The following KCNC1 variants were observed in gnomAD, a reference collection of about 807,000 sequenced individuals.
The protein encoded by KCNC1 is potassium voltage-gated channel subfamily C member 1.
KCNC1 carries 8 observed loss-of-function variants against 43.4 expected under a neutral mutation model. That is an observed-to-expected ratio of 0.18 (90% confidence interval 0.11 to 0.33). The LOEUF (loss-of-function observed/expected upper bound fraction) is 0.33. KCNC1 is among the 10% of genes least tolerant of loss of function. The pLI is 1.00. For synonymous variants in KCNC1, 361 were observed against 360.5 expected (o/e 1.00, Z -0.01); for missense variants, 420 against 836.0 (o/e 0.50, Z 6.14).
rs1266269714 is a variant in KCNC1, at chr11:17,779,364, C to T, written c.1505-92C>T. On this transcript the variant is annotated intron_variant, in intron 2 of 3. Coordinates refer to ENST00000265969, the MANE Select transcript of KCNC1 (RefSeq NM_001112741.2). This position sits in a 1 kb window ranked among gnomAD's most constrained non-coding sequence, Gnocchi z 7.2. The stretch of plus-strand genomic sequence containing the variant: ...CCGTCCTCAGGGACGCTCAAGCTGC[C>T]CTCTGCCAATACCCCGCTTCTGGCC... 2.7e-6 allele frequency: 3 copies of T among 1,093,504 alleles called. No homozygotes were observed. Among genetic ancestry groups the T allele is most frequent in the South Asian group, 3.7e-5 (2 of 54,548 alleles). 67.7% of individuals were successfully genotyped at this position (1,093,504 alleles called of 1,614,324 possible). A position where few individuals can be genotyped will look rare whatever the true frequency, so the allele number is the denominator to read the frequency against.
At chr11:17,741,222 A>G (rs1019793210) in intron 1 of KCNC1, among the ~76,000 whole-genome samples, 1 of 52,638 alleles carries the variant, frequency 1.9e-5, no homozygotes. Context: ...AGCTCCCCCC[A>G]CCCCCCTCCC....
chr11:17,768,106 C>T (rs571171304), intron 1 of KCNC1, among the ~76,000 whole-genome samples: 7 of 152,196 alleles, frequency 4.6e-5, no homozygotes, highest in South Asian at 2.1e-4. Flanking sequence ...GAGCTGGAGT[C>T]GGAGATGGGC....
In KCNC1 at chr11:17,777,774, T is replaced by C; in HGVS notation, c.1505-1682T>C. 1 of 986,312 alleles carries C rather than the reference T, an allele frequency of 1.0e-6. No homozygotes were observed. The allele number at this position is 986,312 out of a possible 1,614,324, so 61.1% of individuals were successfully genotyped here. ...TTTTTTTTAAGTTCCAAAATTATGA[T>C]GGGATTTTTTTGGATTTGCTTTACG... On this transcript the variant is annotated intron_variant, in intron 2 of 3. Transcript: ENST00000265969. This position sits in a 1 kb window ranked among gnomAD's most constrained non-coding sequence, Gnocchi z 4.3.
chr11:17,759,483 C>T, intron 1 of KCNC1, among the ~76,000 whole-genome samples: 1 of 152,152 alleles, frequency 6.6e-6, no homozygotes. Flanking sequence ...TGCAAGAGGC[C>T]TAGCTTTTGG....
At position 17,736,796 on chromosome 11, in the gene KCNC1, G is replaced by A. The variant is rs1027359734; in HGVS notation, c.570+224G>A. Among the ~76,000 whole-genome samples the A allele has an allele frequency of 6.6e-6, 1 of 152,204 alleles. No homozygotes were observed. Among genetic ancestry groups the A allele is most frequent in the Non-Finnish European group, 1.5e-5 (1 of 68,026 alleles). ...GTGTTGCCAAGTTTAATATGTATGA[G>A]TATGAATGGGTGTGTTTGTGTGTAT... On this transcript the variant is annotated intron_variant, in intron 1 of 3. Coordinates refer to ENST00000265969, the MANE Select transcript of KCNC1 (RefSeq NM_001112741.2). This position sits in a 1 kb window ranked among gnomAD's most constrained non-coding sequence, Gnocchi z 9.3.
chr11:17,735,144 C>G lies in KCNC1; in HGVS notation c.-859C>G, dbSNP rs1222032491. ...TCAGCACCGCCGCGGGAGCCCAAGT[C>G]CGAGCGCAGCCCAGCGGAACCCCAG... On this transcript the variant is annotated 5_prime_UTR_variant, in exon 1 of 4. Coordinates refer to ENST00000265969, the MANE Select transcript of KCNC1 (RefSeq NM_001112741.2). This position sits in a 1 kb window ranked among gnomAD's most constrained non-coding sequence, Gnocchi z 6.7. 5 of 152,206 alleles carry G rather than the reference C, an allele frequency of 3.3e-5. No homozygotes were observed. Among genetic ancestry groups the G allele is most frequent in the African/African-American group, 1.2e-4 (5 of 41,420 alleles). The allele number at this position is 152,206 out of a possible 1,614,324, so 9.4% of individuals were successfully genotyped here.
chr11:17,761,336 TC>T (rs1455366456), intron 1 of KCNC1, among the ~76,000 whole-genome samples: 25 of 152,346 alleles, frequency 1.6e-4, no homozygotes, highest in African/African-American at 6.0e-4. Flanking sequence ...CTCCCTCACC[TC>T]TTGGTAATTT....
At position 17,735,815 on chromosome 11, in the gene KCNC1, C is replaced by A; in HGVS notation, c.-188C>A. 1.7e-6 allele frequency: 1 copy of A among 580,118 alleles called. No individual in the cohort carries two copies. The highest frequency in any genetic ancestry group is 2.8e-6 in the Non-Finnish European group (1 of 363,248). The allele number at this position is 580,118 out of a possible 1,614,324, so 35.9% of individuals were successfully genotyped here. A position where few individuals can be genotyped will look rare whatever the true frequency, so the allele number is the denominator to read the frequency against. ...TCCCGCGCACATTCCCCTGGACCGGCACCCGACAAAGCGCCCGGAGAGGCT... is the reference window on the plus strand; with the variant it reads ...TCCCGCGCACATTCCCCTGGACCGGAACCCGACAAAGCGCCCGGAGAGGCT... On this transcript the variant is annotated 5_prime_UTR_variant, in exon 1 of 4. Coordinates refer to ENST00000265969, the MANE Select transcript of KCNC1 (RefSeq NM_001112741.2). The surrounding 1 kb of genome is among the most constrained non-coding windows in gnomAD (Gnocchi z 6.7).
intron 1 of KCNC1, among the ~76,000 whole-genome samples, chr11:17,751,160 C>G (rs1338062961): frequency 6.6e-6 from 1 of 152,184 alleles, no homozygotes; most frequent in Non-Finnish European, 1.5e-5. Flanking sequence ...GATCCCAGGT[C>G]TTCTTTTGAA....
intron 1 of KCNC1, among the ~76,000 whole-genome samples, chr11:17,758,702 A>T (rs907024411): frequency 2.0e-5 from 3 of 152,212 alleles, no homozygotes; most frequent in Non-Finnish European, 2.9e-5. Context: ...GTCAATGAGC[A>T]ATAATATTTT....
At position 17,771,096 on chromosome 11, in the gene KCNC1, C is replaced by G. The variant is rs1849220596; in HGVS notation, c.571-569C>G. Among the ~76,000 whole-genome samples the G allele has an allele frequency of 6.6e-6, 1 of 152,106 alleles. No individual in the cohort carries two copies. Among genetic ancestry groups the G allele is most frequent in the Non-Finnish European group, 1.5e-5 (1 of 68,016 alleles). On this transcript the variant is annotated intron_variant, in intron 1 of 3. Transcript: ENST00000265969. The surrounding 1 kb of genome is among the most constrained non-coding windows in gnomAD (Gnocchi z 4.7). ...TTTTCAGCTCTAGGCAGGATAGAAC[C>G]TGAAAGAGACCACATGAGGGAGGTA...
chr11:17,770,784 G>A (rs1320855269), intron 1 of KCNC1, among the ~76,000 whole-genome samples: 1 of 152,116 alleles, frequency 6.6e-6, no homozygotes, highest in African/African-American at 2.4e-5. Flanking sequence ...GAAGCCCCAG[G>A]CCTCCAGCAG....
At chr11:17,751,852 C>G (rs1848972485) in intron 1 of KCNC1, among the ~76,000 whole-genome samples, 1 of 152,154 alleles carries the variant, frequency 6.6e-6, no homozygotes, top group Admixed American at 6.5e-5. Flanking sequence ...TCTGTGGTTT[C>G]AGTCTGCTCC....
At chr11:17,778,505 A>G (rs969627419) in intron 2 of KCNC1, among the ~76,000 whole-genome samples, 3 of 152,266 alleles carry the variant, frequency 2.0e-5, no homozygotes, top group African/African-American at 4.8e-5. Flanking sequence ...AGCCTCATGC[A>G]TACATCCTTG....
chr11:17,740,597 C>T (rs1479561898), intron 1 of KCNC1, among the ~76,000 whole-genome samples: 1 of 152,120 alleles, frequency 6.6e-6, no homozygotes, highest in Non-Finnish European at 1.5e-5. Context: ...TGTTGCGTCC[C>T]ATCAGGGCCA....
rs765118776 is a variant in KCNC1, at chr11:17,776,429, T to C, written c.1505-3027T>C. The stretch of plus-strand genomic sequence containing the variant: ...GCCCCTCCGGTGCCCGCAGCTGGTG[T>C]GAACAGTAAGTACTTTGGCGGTGCC... On this transcript the variant is annotated intron_variant, in intron 2 of 3. Coordinates refer to ENST00000265969, the MANE Select transcript of KCNC1 (RefSeq NM_001112741.2). The surrounding 1 kb of genome is among the most constrained non-coding windows in gnomAD (Gnocchi z 4.4). 3.0e-4 allele frequency: 298 copies of C among 985,194 alleles called. No individual in the cohort carries two copies. The highest frequency in any genetic ancestry group is 3.5e-4 in the Non-Finnish European group (289 of 829,956). The allele number at this position is 985,194 out of a possible 1,614,324, so 61.0% of individuals were successfully genotyped here.
rs1271493066 is a variant in KCNC1 at position 17,747,785 on chromosome 11, C to T, written c.570+11213C>T. ...TTTCTCTCAAGCCTCTGCAGGGCGTCGGATGCCCCTTCCACCCTGGCCAGC... is the reference window on the plus strand; with the variant it reads ...TTTCTCTCAAGCCTCTGCAGGGCGTTGGATGCCCCTTCCACCCTGGCCAGC... On this transcript the variant is annotated intron_variant, in intron 1 of 3. Coordinates refer to ENST00000265969, the MANE Select transcript of KCNC1 (RefSeq NM_001112741.2). 3.9e-5 allele frequency among the ~76,000 whole-genome samples: 6 copies of T among 152,316 alleles called. No homozygotes were observed. The South Asian group carries it at 8.3e-4, about 21-fold the overall frequency.
intron 1 of KCNC1, chr11:17,765,741 A>T (rs1484165216): frequency 6.6e-6 from 1 of 152,214 alleles, no homozygotes; most frequent in African/African-American, 2.4e-5. Context: ...AGCCTGGGTG[A>T]CAGTTGCCTG....
At chr11:17,737,064 T>C (rs1032268445) in intron 1 of KCNC1, among the ~76,000 whole-genome samples, 5 of 152,124 alleles carry the variant, frequency 3.3e-5, no homozygotes, top group Middle Eastern at 3.2e-3. Flanking sequence ...GAGCCAGCCA[T>C]GGTCCCCCAA....
Sources: allele counts gnomAD v4.1 joint callset (sites outside exome capture counted in the v4.1 genomes callset), GRCh38; gene constraint gnomAD v4.1.1; non-coding constraint Gnocchi (gnomAD v3.1); transcripts MANE v1.5; gene names NCBI Gene and HGNC (gene_info 2026-07-23, HGNC 2026-07-21).